The following XPNPEP1 variants were observed in gnomAD, a reference collection of about 807,000 sequenced individuals.
XPNPEP1 encodes xaa-Pro aminopeptidase 1.
A neutral mutation model predicts 92.4 loss-of-function variants in XPNPEP1; 39 were observed. The observed-to-expected ratio is 0.42, with a 90% confidence interval of 0.33 to 0.55. The LOEUF (loss-of-function observed/expected upper bound fraction) is 0.55, where lower values mean the gene tolerates loss of function less well. XPNPEP1 is among the 20% of genes least tolerant of loss of function. The probability of loss-of-function intolerance (pLI) is 0.08; values close to 1 mark genes in which losing one functional copy is unlikely to be tolerated. For missense variants in XPNPEP1, 654 were observed against 856.1 expected (o/e 0.76, Z 2.95); for synonymous variants, 307 against 299.4 (o/e 1.03, Z -0.26).
Position 109,893,218 on chromosome 10 carries a change from G to C in XPNPEP1, c.247-143C>G, listed in dbSNP as rs112068526. On this transcript the variant is annotated intron_variant, in intron 3 of 20. Coordinates refer to ENST00000502935, the MANE Select transcript of XPNPEP1 (RefSeq NM_020383.4). ...CCGCCCTCAAGAAGCCAACAGTCTA[G>C]CTGAAAACAACAGATTAGCACACAC... is the stretch of plus-strand genomic sequence containing the variant. The C allele has an allele frequency of 2.7e-4, 183 of 675,744 alleles. 1 individual carries two copies. In the African/African-American group the frequency reaches 3.1e-3, roughly 12 times the overall value. 41.9% of individuals were successfully genotyped at this position (675,744 alleles called of 1,614,324 possible). A position where few individuals can be genotyped will look rare whatever the true frequency, so the allele number is the denominator to read the frequency against.
chr10:109,879,546 G>T (rs1425570163), intron 12 of XPNPEP1, among the ~76,000 whole-genome samples: 2 of 151,826 alleles, frequency 1.3e-5, no homozygotes, highest in Non-Finnish European at 2.9e-5. Flanking sequence ...CTCCAGCCTG[G>T]GTGACAGAGT....
At chr10:109,886,192 G>A in intron 8 of XPNPEP1, 54 bp downstream of exon 8, 2 of 1,558,994 alleles carry the variant, frequency 1.3e-6, no homozygotes, top group Non-Finnish European at 1.8e-6. Flanking sequence ...GATACCCAGA[G>A]ACCCAAAGGA....
chr10:109,875,299 C>T (rs1396510052), intron 15 of XPNPEP1, among the ~76,000 whole-genome samples: 1 of 152,216 alleles, frequency 6.6e-6, no homozygotes, highest in East Asian at 1.9e-4. Context: ...TTAAAACTTC[C>T]AGCCAAGGAC....
rs1847049470 is a variant in XPNPEP1 at position 109,864,929 on chromosome 10, C to T, written c.*255G>A. ...GGGCATCTTCCTTTCACCAAGTGTT[C>T]AACTTTGGAGGGACCCTCCTTCTGG... On this transcript the variant is annotated 3_prime_UTR_variant, in exon 21 of 21. Coordinates refer to ENST00000502935, the MANE Select transcript of XPNPEP1 (RefSeq NM_020383.4). 1 of 483,896 alleles carries T rather than the reference C, an allele frequency of 2.1e-6. No homozygotes were observed. The highest frequency in any genetic ancestry group is 3.6e-6 in the Non-Finnish European group (1 of 275,694). The allele number at this position is 483,896 out of a possible 1,614,324, so 30.0% of individuals were successfully genotyped here. A position where few individuals can be genotyped will look rare whatever the true frequency, so the allele number is the denominator to read the frequency against.
chr10:109,886,825 C>T (rs1410660101), intron 7 of XPNPEP1, among the ~76,000 whole-genome samples: 2 of 152,222 alleles, frequency 1.3e-5, no homozygotes, highest in Non-Finnish European at 2.9e-5. Flanking sequence ...GTCAGGGGAA[C>T]AGCACCCACC....
chr10:109,886,413 A>T, intron 7 of XPNPEP1, 72 bp from the exon 8 acceptor site: 2 of 1,374,426 alleles, frequency 1.5e-6, no homozygotes, highest in Non-Finnish European at 2.0e-6. Flanking sequence ...GAAAGAACCT[A>T]CCCTAAACAT....
intron 18 of XPNPEP1, 41 bp downstream of exon 18, chr10:109,870,690 C>A: frequency 6.4e-7 from 1 of 1,569,268 alleles, no homozygotes; most frequent in Non-Finnish European, 8.7e-7. Context: ...TTCAAAAAGG[C>A]TCAAGGATCC....
At chr10:109,886,129 A>G (rs764798423) in intron 8 of XPNPEP1, 117 bp downstream of exon 8, 5 of 980,364 alleles carry the variant, frequency 5.1e-6, no homozygotes, top group Non-Finnish European at 7.8e-6. Context: ...TTGGTGACGT[A>G]GTCTTCTTCT....
chr10:109,892,899 G>A, intron 4 of XPNPEP1, 113 bp downstream of exon 4: 1 of 1,028,322 alleles, frequency 9.7e-7, no homozygotes, highest in South Asian at 1.5e-5. Flanking sequence ...TCAATGTGGA[G>A]CATCTGGTTT....
Position 109,886,348 on chromosome 10 carries a change from G to A in XPNPEP1, c.653-7C>T, listed in dbSNP as rs745611494. ...TTGTCCTTCCAGGAGATGCCTGCAA[G>A]AAACAAATGTGCTTTAACTCCAGCC... is the stretch of plus-strand genomic sequence containing the variant. On this transcript the variant is annotated splice_region_variant and splice_polypyrimidine_tract_variant and intron_variant, in intron 7 of 20. Coordinates refer to ENST00000502935, the MANE Select transcript of XPNPEP1 (RefSeq NM_020383.4). 14 of 1,613,586 alleles carry A rather than the reference G, an allele frequency of 8.7e-6. No individual in the cohort carries two copies. Among genetic ancestry groups the A allele is most frequent in the African/African-American group, 2.7e-5 (2 of 74,916 alleles).
intron 20 of XPNPEP1, 60 bp from the exon 21 acceptor site, chr10:109,865,372 A>T: frequency 6.2e-7 from 1 of 1,606,198 alleles, no homozygotes; most frequent in Non-Finnish European, 8.5e-7. Context: ...AACTGGCTAC[A>T]CAGGTCAACA....
At chr10:109,889,497 C>G (rs1325992334) in intron 5 of XPNPEP1, among the ~76,000 whole-genome samples, 1 of 152,232 alleles carries the variant, frequency 6.6e-6, no homozygotes, top group African/African-American at 2.4e-5. Flanking sequence ...TTAACATGAG[C>G]CTCTGGGTTC....
rs1056495130 is a variant in XPNPEP1 at position 109,867,873 on chromosome 10, C to A, written c.1872+741G>T. Among the ~76,000 whole-genome samples the A allele has an allele frequency of 1.4e-4, 22 of 152,306 alleles. No individual in the cohort carries two copies. Among genetic ancestry groups the A allele is most frequent in the African/African-American group, 5.1e-4 (21 of 41,572 alleles). ...CTTCCTGGTTTGGGAACTGTTTTGT[C>A]TGTCTAGTGCTAACAGTTCCTACCC... is the stretch of plus-strand genomic sequence containing the variant. On this transcript the variant is annotated intron_variant, in intron 20 of 20. Transcript: ENST00000502935. This position sits in a 1 kb window ranked among gnomAD's most constrained non-coding sequence, Gnocchi z 4.5.
At chr10:109,901,798 C>A (rs1849301087) in intron 3 of XPNPEP1, among the ~76,000 whole-genome samples, 1 of 152,184 alleles carries the variant, frequency 6.6e-6, no homozygotes, top group Non-Finnish European at 1.5e-5. Flanking sequence ...CTTATGAAAT[C>A]TAAACACAGA....
chr10:109,888,605 G>C lies in XPNPEP1; in HGVS notation c.416-10C>G. The C allele has an allele frequency of 6.3e-7, 1 of 1,587,600 alleles. No homozygotes were observed. Among genetic ancestry groups the C allele is most frequent in the Admixed American group, 1.7e-5 (1 of 57,180 alleles). ...GGTGTGTCCTTCAGACCTACAGGGG[G>C]AAGAAATGATAAGAAACAATTCCCA... On this transcript the variant is annotated splice_polypyrimidine_tract_variant and intron_variant, in intron 5 of 20. Transcript: ENST00000502935.
At position 109,919,486 on chromosome 10, in the gene XPNPEP1, G is replaced by A. The variant is rs190674689; in HGVS notation, c.32+3916C>T. Among the ~76,000 whole-genome samples the A allele has an allele frequency of 9.9e-5, 15 of 152,282 alleles. No homozygotes were observed. In the East Asian group the frequency reaches 1.9e-3, roughly 20 times the overall value. On this transcript the variant is annotated intron_variant, in intron 1 of 20. Coordinates refer to ENST00000502935, the MANE Select transcript of XPNPEP1 (RefSeq NM_020383.4). ...AAAAAAGATTGACAGTAACAAGTGCGGGTGAGGGTATAGAAAAAATTAGAA... is the reference window on the plus strand; with the variant it reads ...AAAAAAGATTGACAGTAACAAGTGCAGGTGAGGGTATAGAAAAAATTAGAA...
Position 109,923,453 on chromosome 10 carries a change from GC to G in XPNPEP1, c.-21del. The G allele has an allele frequency of 7.0e-7, 1 of 1,428,338 alleles. No homozygotes were observed. Among genetic ancestry groups the G allele is most frequent in the South Asian group, 1.3e-5 (1 of 75,876 alleles). 88.5% of individuals were successfully genotyped at this position (1,428,338 alleles called of 1,614,324 possible). A position where few individuals can be genotyped will look rare whatever the true frequency, so the allele number is the denominator to read the frequency against. Reference sequence around the variant, plus strand: ...TGCCATTCGGCGGTGACGTGCCCCAGCCCACGTCAGGGGAGCGCAGACCAGC... The same window carrying G: ...TGCCATTCGGCGGTGACGTGCCCCAGCCACGTCAGGGGAGCGCAGACCAGC... On this transcript the variant is annotated 5_prime_UTR_variant, in exon 1 of 21. Transcript: ENST00000502935.
intron 3 of XPNPEP1, among the ~76,000 whole-genome samples, chr10:109,895,354 C>G (rs1472427553): frequency 6.6e-6 from 1 of 152,200 alleles, no homozygotes; most frequent in Non-Finnish European, 1.5e-5. Flanking sequence ...TCTGGGCAAG[C>G]TTGGGAGAGA....
chr10:109,908,203 A>T (rs1849661833), intron 2 of XPNPEP1, among the ~76,000 whole-genome samples: 1 of 152,258 alleles, frequency 6.6e-6, no homozygotes. Context: ...TAATACGTAC[A>T]ACAGTATACT....
Sources: gnomAD v4.1 joint callset for allele counts (sites outside exome capture counted in the v4.1 genomes callset) on GRCh38, gnomAD v4.1.1 for gene constraint, Gnocchi (gnomAD v3.1) non-coding constraint, MANE v1.5 for transcripts, NCBI Gene and HGNC (gene_info 2026-07-23, HGNC 2026-07-21) for gene names.